Variants in EFNA5 observed in about 807,000 individuals in gnomAD.
EFNA5 encodes ephrin-A5.
In EFNA5, 5 loss-of-function variants were observed where a neutral mutation model predicts 22.9. That is an observed-to-expected ratio of 0.22 (90% CI 0.11 to 0.46). The LOEUF is 0.46. EFNA5 is among the 20% of genes least tolerant of loss of function. The probability of loss-of-function intolerance (pLI) is 0.99; values close to 1 mark genes in which losing one functional copy is unlikely to be tolerated. For synonymous variants in EFNA5, 113 were observed against 112.2 expected (o/e 1.01, Z -0.04); for missense variants, 237 against 293.3 (o/e 0.81, Z 1.40).
intron 1 of EFNA5, among the ~76,000 whole-genome samples, chr5:107,432,875 C>T (rs1749000432): frequency 6.6e-6 from 1 of 152,080 alleles, no homozygotes; most frequent in South Asian, 2.1e-4. Flanking sequence ...AAGACCAATC[C>T]CTCCTCATCC....
At chr5:107,589,068 G>C in intron 1 of EFNA5, among the ~76,000 whole-genome samples, 1 of 152,310 alleles carries the variant, frequency 6.6e-6, no homozygotes, top group South Asian at 2.1e-4. Flanking sequence ...GGCAGTATGA[G>C]AGTGAAACCC....
At chr5:107,561,915 A>T (rs1359213411) in intron 1 of EFNA5, among the ~76,000 whole-genome samples, 2 of 152,098 alleles carry the variant, frequency 1.3e-5, no homozygotes, top group Admixed American at 6.5e-5. Context: ...ATATAAATAT[A>T]TACAGGCCAG....
intron 1 of EFNA5, among the ~76,000 whole-genome samples, chr5:107,510,473 C>T (rs1747347105): frequency 6.6e-6 from 1 of 152,192 alleles, no homozygotes; most frequent in Non-Finnish European, 1.5e-5. Flanking sequence ...TATTCCTTTA[C>T]TTTCCTTTCA....
At chr5:107,569,441 TTA>T (rs1218830330) in intron 1 of EFNA5, among the ~76,000 whole-genome samples, 6 of 122,110 alleles carry the variant, frequency 4.9e-5, no homozygotes, top group Admixed American at 1.5e-4. Flanking sequence ...ATATATATAT[TTA>T]TATATGTGTG....
At chr5:107,636,881 C>T (rs1483299276) in intron 1 of EFNA5, among the ~76,000 whole-genome samples, 1 of 152,166 alleles carries the variant, frequency 6.6e-6, no homozygotes. Context: ...CCATTAGAAA[C>T]GAGCATGAAA....
intron 1 of EFNA5, among the ~76,000 whole-genome samples, chr5:107,574,353 C>T (rs1048041194): frequency 3.3e-5 from 4 of 122,240 alleles, no homozygotes; most frequent in African/African-American, 1.0e-4. Flanking sequence ...ATACTAGGAG[C>T]CCTCCCTTGC....
intron 4 of EFNA5, among the ~76,000 whole-genome samples, chr5:107,385,284 A>T (rs563467568): frequency 3.3e-5 from 5 of 152,160 alleles, no homozygotes; most frequent in Admixed American, 6.5e-5. Flanking sequence ...AATTTTCCTA[A>T]TGGCAGAATA....
chr5:107,605,048 G>A (rs1378548067), intron 1 of EFNA5, among the ~76,000 whole-genome samples: 1 of 148,966 alleles, frequency 6.7e-6, no homozygotes, highest in Non-Finnish European at 1.5e-5. Flanking sequence ...GTTTGCTTTT[G>A]ATCAAAAAGG....
At chr5:107,432,720 G>GTGTAAAAGTC (rs1431018978) in intron 1 of EFNA5, among the ~76,000 whole-genome samples, 10 of 152,178 alleles carry the variant, frequency 6.6e-5, no homozygotes, top group East Asian at 1.9e-4. Context: ...TAAAAAGATG[G>GTGTAAAAGTC]TCACTGCTCC....
intron 1 of EFNA5, among the ~76,000 whole-genome samples, chr5:107,447,144 G>C (rs1749419524): frequency 6.6e-6 from 1 of 152,130 alleles, no homozygotes; most frequent in Admixed American, 6.5e-5. Context: ...ATGAGAAAGG[G>C]GCCTCAGGAA....
intron 2 of EFNA5, among the ~76,000 whole-genome samples, chr5:107,421,274 ATGATG>A (rs1211934779): frequency 6.6e-6 from 1 of 152,246 alleles, no homozygotes; most frequent in East Asian, 1.9e-4. Context: ...AGATTTAAAA[ATGATG>A]TCCATAGTAA....
At chr5:107,611,511 C>A (rs947716790) in intron 1 of EFNA5, among the ~76,000 whole-genome samples, 3 of 152,124 alleles carry the variant, frequency 2.0e-5, no homozygotes, top group African/African-American at 4.8e-5. Context: ...CTTTGATGAC[C>A]CTTCAAGTCC....
intron 1 of EFNA5, among the ~76,000 whole-genome samples, chr5:107,457,809 C>T (rs113486178): frequency 3.3e-5 from 5 of 152,308 alleles, no homozygotes; most frequent in African/African-American, 1.2e-4. Flanking sequence ...TAAAACAAAA[C>T]AGCAACAACA....
At chr5:107,587,463 T>A (rs879229872) in intron 1 of EFNA5, among the ~76,000 whole-genome samples, 2 of 152,216 alleles carry the variant, frequency 1.3e-5, no homozygotes, top group Admixed American at 1.3e-4. Context: ...GTAACAGTTA[T>A]CATGCTCTAA....
chr5:107,522,567 T>C (rs1399740953), intron 1 of EFNA5, among the ~76,000 whole-genome samples: 6 of 152,144 alleles, frequency 3.9e-5, no homozygotes, highest in African/African-American at 9.7e-5. Context: ...TGCAGCTAAT[T>C]TTAAAAATAA....
chr5:107,399,229 A>G (rs899187633), intron 2 of EFNA5, among the ~76,000 whole-genome samples: 5 of 151,898 alleles, frequency 3.3e-5, no homozygotes, highest in African/African-American at 1.2e-4. Context: ...AGGCGGGCAG[A>G]TCACCTGAGG....
At chr5:107,548,218 G>T (rs1395211665) in intron 1 of EFNA5, among the ~76,000 whole-genome samples, 3 of 152,170 alleles carry the variant, frequency 2.0e-5, no homozygotes, top group Non-Finnish European at 2.9e-5. Context: ...CATTATTTCA[G>T]TTGAGGTGGA....
intron 1 of EFNA5, among the ~76,000 whole-genome samples, chr5:107,456,196 C>CATATATATCATAT (rs1156564509): frequency 6.6e-6 from 1 of 152,006 alleles, no homozygotes; most frequent in Non-Finnish European, 1.5e-5. Flanking sequence ...AGGAGGTGTC[C>CATATATATCATAT]ATATATATCA....
intron 1 of EFNA5, among the ~76,000 whole-genome samples, chr5:107,598,588 G>C (rs1411147497): frequency 2.6e-5 from 4 of 152,106 alleles, no homozygotes; most frequent in Middle Eastern, 3.2e-3. Flanking sequence ...TCCTTTGGAA[G>C]GCTATGTACC....
Sources: gnomAD v4.1 joint callset for allele counts (sites outside exome capture counted in the v4.1 genomes callset) on GRCh38, gnomAD v4.1.1 for gene constraint, MANE v1.5 for transcripts, NCBI Gene and HGNC (gene_info 2026-07-23, HGNC 2026-07-21) for gene names.